MAP4K1: variants seen among roughly 807,000 people sequenced by gnomAD.
MAP4K1 encodes the protein mitogen-activated protein kinase kinase kinase kinase 1, also known as MAPK/ERK kinase kinase kinase 1.
MAP4K1 carries 35 observed loss-of-function variants against 122.8 expected under a neutral mutation model. The observed-to-expected ratio is 0.29, with a 90% CI of 0.22 to 0.38. The LOEUF is 0.38. Among genes scored for constraint, MAP4K1 ranks in the 10% least tolerant of loss-of-function variants. The probability of loss-of-function intolerance (pLI) is 1.00; values close to 1 mark genes in which losing one functional copy is unlikely to be tolerated. For synonymous variants in MAP4K1, 412 were observed against 421.3 expected (o/e 0.98, Z 0.27); for missense variants, 791 against 1,072.6 (o/e 0.74, Z 3.67).
At position 38,607,918 on chromosome 19, in the gene MAP4K1, G is replaced by A; in HGVS notation, c.1110-7C>T. ...CGACTCTGACAGTTGCTTCCTGAAG[G>A]GTGACAGGTATGAGCCTTGGGGGCC... On this transcript the variant is annotated splice_region_variant and splice_polypyrimidine_tract_variant and intron_variant, in intron 15 of 30. Transcript: ENST00000396857. 1 of 1,612,480 alleles carries A rather than the reference G, an allele frequency of 6.2e-7. No individual in the cohort carries two copies.
chr19:38,602,693 CACACATATACATGT>C (rs1367685388), intron 19 of MAP4K1, among the ~76,000 whole-genome samples: 1 of 141,686 alleles, frequency 7.1e-6, no homozygotes, highest in African/African-American at 2.6e-5. Flanking sequence ...TACATATATA[CACACATATACATGT>C]ATACATATAT....
At chr19:38,587,872 C>G (rs1974571330) in intron 30 of MAP4K1, 55 bp from the exon 31 acceptor site, 2 of 1,351,534 alleles carry the variant, frequency 1.5e-6, no homozygotes, top group Non-Finnish European at 2.1e-6. Context: ...TTCATTGATT[C>G]ATTAATTCAC....
At position 38,608,133 on chromosome 19, in the gene MAP4K1, C is replaced by T. The variant is rs200476935; in HGVS notation, c.1044G>A (p.Glu348=). The T allele has an allele frequency of 8.6e-5, 131 of 1,531,540 alleles. No individual in the cohort carries two copies. The highest frequency in any genetic ancestry group is 3.5e-4 in the Middle Eastern group (2 of 5,656). 94.9% of individuals were successfully genotyped at this position (1,531,540 alleles called of 1,614,324 possible). The change falls in exon 14 of 31, where the codon GAG becomes GAA. Residue 348 remains glutamate, a synonymous_variant. Transcript: ENST00000396857. ...HMEFRKLRGM[E]TRPPANTARL... The stretch of plus-strand genomic sequence containing the variant: ...TCACGGTGTTGGCTGGGGGTCTGGT[C>T]TCCATTCCTCGGAGCTTCCTGAACT...
intron 30 of MAP4K1, among the ~76,000 whole-genome samples, chr19:38,591,397 G>C (rs1413255332): frequency 6.6e-6 from 1 of 151,400 alleles, no homozygotes; most frequent in Non-Finnish European, 1.5e-5. Flanking sequence ...TGGGCGTGGT[G>C]GTGTGCAACT....
In MAP4K1 at chr19:38,587,677, C is replaced by T; in HGVS notation, c.*71G>A. 1.7e-6 allele frequency: 2 copies of T among 1,190,052 alleles called. No homozygotes were observed. The highest frequency in any genetic ancestry group is 1.7e-5 in the Admixed American group (1 of 58,182). 73.7% of individuals were successfully genotyped at this position (1,190,052 alleles called of 1,614,324 possible). A position where few individuals can be genotyped will look rare whatever the true frequency, so the allele number is the denominator to read the frequency against. On this transcript the variant is annotated 3_prime_UTR_variant, in exon 31 of 31. Coordinates refer to ENST00000396857, the MANE Select transcript of MAP4K1 (RefSeq NM_001042600.3). The stretch of plus-strand genomic sequence containing the variant: ...AGTCATGTTTATTGGGAGATGAGGA[C>T]ATGCCATGACCACTAGTGTGTCTAT...
rs1436385187 is a variant in MAP4K1, at chr19:38,596,899, G to A, written c.1941+135C>T. ...GAGGCTCCAAGCGCAGACCGCAGGTGGGCGGGGCCTCGGGAGATTGGGGCG... is the reference window on the plus strand; with the variant it reads ...GAGGCTCCAAGCGCAGACCGCAGGTAGGCGGGGCCTCGGGAGATTGGGGCG... On this transcript the variant is annotated intron_variant, in intron 25 of 30. Transcript: ENST00000396857. 1.5e-5 allele frequency: 12 copies of A among 788,868 alleles called. No homozygotes were observed. In the South Asian group the frequency reaches 1.9e-4, roughly 12 times the overall value. The allele number at this position is 788,868 out of a possible 1,614,324, so 48.9% of individuals were successfully genotyped here.
chr19:38,611,202 C>T (rs754650768), intron 10 of MAP4K1, 41 bp downstream of exon 10: 17 of 1,604,332 alleles, frequency 1.1e-5, no homozygotes, highest in Non-Finnish European at 1.5e-5. Context: ...CCAGCCCCAG[C>T]CCTGCCCTCT....
intron 17 of MAP4K1, 35 bp from the exon 18 acceptor site, chr19:38,605,765 T>G (rs772607688): frequency 6.3e-7 from 1 of 1,578,420 alleles, no homozygotes; most frequent in Non-Finnish European, 8.6e-7. Context: ...GGGAAATACA[T>G]CAGATGATCT....
chr19:38,612,835 G>T, intron 8 of MAP4K1, 93 bp from the exon 9 acceptor site: 1 of 1,359,644 alleles, frequency 7.4e-7, no homozygotes, highest in Non-Finnish European at 1.0e-6. Context: ...GGGAGACGCA[G>T]CACACAGAGA....
In MAP4K1 at chr19:38,596,018, G is replaced by C. The variant is rs1314408333; in HGVS notation, c.2117-17C>G. The stretch of plus-strand genomic sequence containing the variant: ...CCCTGTGCTCTGTTTGGGGGGAGTG[G>C]GTTAAGGATTGACCCCACCCCATTC... On this transcript the variant is annotated splice_polypyrimidine_tract_variant and intron_variant, in intron 26 of 30. Transcript: ENST00000396857. 1.9e-6 allele frequency: 3 copies of C among 1,612,734 alleles called. No homozygotes were observed. Among genetic ancestry groups the C allele is most frequent in the Non-Finnish European group, 2.5e-6 (3 of 1,179,150 alleles).
At chr19:38,613,331 GAA>G (rs74176452) in intron 8 of MAP4K1, among the ~76,000 whole-genome samples, 2 of 104,732 alleles carry the variant, frequency 1.9e-5, no homozygotes, top group Non-Finnish European at 2.0e-5. Context: ...GAACGAAAAA[GAA>G]AAAAAAAAAA....
intron 13 of MAP4K1, among the ~76,000 whole-genome samples, chr19:38,608,805 A>AAAAAAAAAAC (rs1975408489): frequency 6.9e-6 from 1 of 144,712 alleles, no homozygotes; most frequent in African/African-American, 2.5e-5. Flanking sequence ...GTCTCAAAAA[A>AAAAAAAAAAC]AAAAAAAAAA....
At chr19:38,601,965 A>G (rs1160599730) in intron 19 of MAP4K1, among the ~76,000 whole-genome samples, 1 of 152,022 alleles carries the variant, frequency 6.6e-6, no homozygotes, top group Admixed American at 6.6e-5. Flanking sequence ...TTTAGTAGAG[A>G]TGGAGTTTTG....
In MAP4K1 at chr19:38,591,607, T is replaced by G. The variant is rs149296211; in HGVS notation, c.2396+1675A>C. The stretch of plus-strand genomic sequence containing the variant: ...TTCTCTGGGAGTGTGAGTTTTAAAT[T>G]ATGTCAAAATAGTTAAAATAGTTAT... On this transcript the variant is annotated intron_variant, in intron 30 of 30. Transcript: ENST00000396857. 4.6e-3 allele frequency among the ~76,000 whole-genome samples: 700 copies of G among 151,998 alleles called. 3 individuals carry two copies. The highest frequency in any genetic ancestry group is 0.016 in the African/African-American group (667 of 41,452).
rs1174390969 is a variant in MAP4K1, at chr19:38,605,641, A to G, written c.1290T>C (p.Ser430=). 1.3e-6 allele frequency: 2 copies of G among 1,599,562 alleles called. No individual in the cohort carries two copies. The highest frequency in any genetic ancestry group is 2.2e-5 in the South Asian group (2 of 89,438). ...LSPGVLVRCA[S]GPPPNSPRPG... ...GACGGGGGCTGTTTGGTGGGGGCCC[A>G]CTGGCACACCGGACCAGCACCCCCG... The change falls in exon 18 of 31, where the codon AGT becomes AGC. Residue 430 remains serine, a synonymous_variant. Coordinates refer to ENST00000396857, the MANE Select transcript of MAP4K1 (RefSeq NM_001042600.3).
intron 30 of MAP4K1, among the ~76,000 whole-genome samples, chr19:38,591,394 G>A (rs1410804960): frequency 6.6e-6 from 1 of 151,500 alleles, no homozygotes; most frequent in Non-Finnish European, 1.5e-5. Context: ...AGCTGGGCGT[G>A]GTGGTGTGCA....
chr19:38,611,251 T>C lies in MAP4K1; in HGVS notation c.720A>G (p.Lys240=), dbSNP rs1359166130. ...SGYQPPRLKE[K]GKWSAAFHNF... is the part of the protein sequence containing the mutation. ...CTGTTACTCTCTCGTACCATTTGCC[T>C]TTTTCCTTCAGTCGGGGAGGCTGGT... Residue 240 remains lysine, a synonymous_variant, in exon 10 of 31, where the codon AAA becomes AAG. Coordinates refer to ENST00000396857, the MANE Select transcript of MAP4K1 (RefSeq NM_001042600.3). 6.2e-7 allele frequency: 1 copy of C among 1,612,008 alleles called. No individual in the cohort carries two copies. Among genetic ancestry groups the C allele is most frequent in the Non-Finnish European group, 8.5e-7 (1 of 1,178,206 alleles).
chr19:38,593,341 G>C lies in MAP4K1; in HGVS notation c.2341-4C>G, dbSNP rs1180094460. On this transcript the variant is annotated splice_region_variant and splice_polypyrimidine_tract_variant and intron_variant, in intron 29 of 30. Coordinates refer to ENST00000396857, the MANE Select transcript of MAP4K1 (RefSeq NM_001042600.3). ...GGTCTCTCAGCTCCTGTAGCAGCTA[G>C]GGAAAAAAAGTGTGTGTCTCAGTGC... 6.2e-7 allele frequency: 1 copy of C among 1,607,202 alleles called. No individual in the cohort carries two copies. The highest frequency in any genetic ancestry group is 8.5e-7 in the Non-Finnish European group (1 of 1,176,686).
chr19:38,614,425 G>A lies in MAP4K1; in HGVS notation c.334C>T (p.Leu112Phe). The change falls in exon 5 of 31, where the codon CTC becomes TTC. Residue 112 changes from leucine (L) to phenylalanine (F), a missense_variant. By Grantham distance (22) the Leu-to-Phe change is conservative. Transcript: ENST00000396857. Reference protein sequence around the residue: ...IYQVTGSLSELQISYVCREVL... With the variant: ...IYQVTGSLSEFQISYVCREVL... Reference sequence around the variant, plus strand: ...TCCCGGCAGACATAGCTAATCTGGAGCTCTGACAGGGAGCCTGTCACTGCA... The same window carrying A: ...TCCCGGCAGACATAGCTAATCTGGAACTCTGACAGGGAGCCTGTCACTGCA... The A allele has an allele frequency of 6.2e-7, 1 of 1,614,168 alleles. No homozygotes were observed. The highest frequency in any genetic ancestry group is 1.1e-5 in the South Asian group (1 of 91,084).
Sources: allele counts gnomAD v4.1 joint callset (sites outside exome capture counted in the v4.1 genomes callset), GRCh38; gene constraint gnomAD v4.1.1; transcripts MANE v1.5; gene names NCBI Gene and HGNC (gene_info 2026-07-23, HGNC 2026-07-21).